Variants in AFAP1L2 observed in about 807,000 individuals in gnomAD.
AFAP1L2 encodes actin filament associated protein 1 like 2.
Under a neutral mutation model 99.3 loss-of-function variants are expected in AFAP1L2, and 46 were observed. That is an observed-to-expected ratio of 0.46 (90% CI 0.37 to 0.59). The LOEUF (loss-of-function observed/expected upper bound fraction) is 0.59. Among genes scored for constraint, AFAP1L2 ranks in the 20% least tolerant of loss-of-function variants. The pLI is 0.00. For synonymous variants in AFAP1L2, 397 were observed against 419.1 expected (o/e 0.95, Z 0.64); for missense variants, 959 against 1,034.9 (o/e 0.93, Z 1.01).
chr10:114,288,693 T>TA, the AFAP1L2 span, among the ~76,000 whole-genome samples: 1 of 152,196 alleles, frequency 6.6e-6, no homozygotes, highest in Non-Finnish European at 1.5e-5. Flanking sequence ...AGATAGAACT[T>TA]AGACACGTGG....
At chr10:114,388,729 G>A (rs1404309435) in intron 1 of AFAP1L2, among the ~76,000 whole-genome samples, 4 of 152,176 alleles carry the variant, frequency 2.6e-5, no homozygotes, top group East Asian at 3.9e-4. Flanking sequence ...ACATCAGCAC[G>A]TTCATTACAA....
intron 1 of AFAP1L2, among the ~76,000 whole-genome samples, chr10:114,374,739 G>A (rs2054574424): frequency 6.6e-6 from 1 of 151,760 alleles, no homozygotes; most frequent in South Asian, 2.1e-4. Flanking sequence ...AGAGCTGGAA[G>A]GGGCCCAGCG....
the AFAP1L2 span, chr10:114,286,215 C>T: frequency 1.4e-5 from 22 of 1,613,880 alleles, no homozygotes; most frequent in East Asian, 4.9e-4. Context: ...ACGGGCAGTG[C>T]CTTGCGGCAG....
At chr10:114,405,006 G>A (rs2058584098), upstream of AFAP1L2, among the ~76,000 whole-genome samples, 1 of 152,202 alleles carries the variant, frequency 6.6e-6, no homozygotes, top group South Asian at 2.1e-4. Flanking sequence ...CTGGAGGGGC[G>A]AGGAGGGCAG....
chr10:114,328,292 A>C (rs1194175326), intron 4 of AFAP1L2, among the ~76,000 whole-genome samples: 2 of 152,100 alleles, frequency 1.3e-5, no homozygotes, highest in African/African-American at 4.8e-5. Flanking sequence ...CGAGCCTGTG[A>C]CCGAGGCATG....
At chr10:114,318,071 C>G (rs2044430646) in intron 5 of AFAP1L2, among the ~76,000 whole-genome samples, 1 of 152,166 alleles carries the variant, frequency 6.6e-6, no homozygotes, top group South Asian at 2.1e-4. Context: ...ACAGTTAGAA[C>G]TATACATGCA....
rs975927662 is a variant in AFAP1L2, at chr10:114,295,356, T to C, written c.*686A>G. 48 of 985,532 alleles carry C rather than the reference T, an allele frequency of 4.9e-5. No homozygotes were observed. Among genetic ancestry groups the C allele is most frequent in the Middle Eastern group, 5.2e-4 (1 of 1,936 alleles). The allele number at this position is 985,532 out of a possible 1,614,324, so 61.0% of individuals were successfully genotyped here. A position where few individuals can be genotyped will look rare whatever the true frequency, so the allele number is the denominator to read the frequency against. ...TAATACAGCATCACTTAAAATTTTATTTAAAGACAGTTGATTCAGGCCTGC... is the reference window on the plus strand; with the variant it reads ...TAATACAGCATCACTTAAAATTTTACTTAAAGACAGTTGATTCAGGCCTGC... On this transcript the variant is annotated 3_prime_UTR_variant, in exon 19 of 19. Transcript: ENST00000304129.
chr10:114,292,794 C>T (rs568331997), downstream of AFAP1L2, among the ~76,000 whole-genome samples: 161 of 152,164 alleles, frequency 1.1e-3, no homozygotes, highest in Non-Finnish European at 1.9e-3. Context: ...CAACCTTTGC[C>T]TCCCAGGTTG....
downstream of AFAP1L2, among the ~76,000 whole-genome samples, chr10:114,292,200 C>T (rs1204522283): frequency 6.6e-6 from 1 of 151,950 alleles, no homozygotes; most frequent in Non-Finnish European, 1.5e-5. Flanking sequence ...TGGCTTGAAC[C>T]TGGGAGGCGG....
chr10:114,281,759 C>T, the AFAP1L2 span: 1 of 985,336 alleles, frequency 1.0e-6, no homozygotes, highest in Non-Finnish European at 1.2e-6. Flanking sequence ...GTGCTCTTCT[C>T]TCCCCATCGA....
chr10:114,399,171 G>T (rs2058017852), intron 1 of AFAP1L2, among the ~76,000 whole-genome samples: 1 of 152,210 alleles, frequency 6.6e-6, no homozygotes, highest in Non-Finnish European at 1.5e-5. Flanking sequence ...GAAAGACAAA[G>T]TCCCTGTCTT....
chr10:114,291,457 C>T (rs1403317692), downstream of AFAP1L2: 1 of 549,152 alleles, frequency 1.8e-6, no homozygotes, highest in African/African-American at 2.0e-5. Context: ...GCTGATGTCA[C>T]CCACAAACGA....
chr10:114,329,680 T>C (rs1389794363), intron 4 of AFAP1L2, among the ~76,000 whole-genome samples: 2 of 152,198 alleles, frequency 1.3e-5, no homozygotes, highest in Non-Finnish European at 2.9e-5. Flanking sequence ...GCAGAGGGGC[T>C]GTGCTCTTCC....
rs373457276 is a variant in AFAP1L2, at chr10:114,301,426, G to A, written c.1470C>T (p.Ile490=). 1.5e-4 allele frequency: 246 copies of A among 1,614,080 alleles called. No individual in the cohort carries two copies. Among genetic ancestry groups the A allele is most frequent in the Non-Finnish European group, 1.9e-4 (222 of 1,180,014 alleles). ...GGCGGTCCTGGCTAGGCAGGCCATCGATGTAAGTGTTGGGCTCTGAGAACT... is the reference window on the plus strand; with the variant it reads ...GGCGGTCCTGGCTAGGCAGGCCATCAATGTAAGTGTTGGGCTCTGAGAACT... The part of the protein sequence containing the change: ...QRKFSEPNTY[I]DGLPSQDRQE... The change falls in exon 13 of 19, where the codon ATC becomes ATT. Residue 490 remains isoleucine, a synonymous_variant. Transcript: ENST00000304129.
intron 1 of AFAP1L2, among the ~76,000 whole-genome samples, chr10:114,379,306 C>G (rs2137323216): frequency 6.6e-6 from 1 of 151,930 alleles, no homozygotes. Flanking sequence ...TAAGAAAGCA[C>G]CTGCCCTGTT....
At chr10:114,330,328 C>T (rs764032210) in intron 4 of AFAP1L2, among the ~76,000 whole-genome samples, 23 of 152,148 alleles carry the variant, frequency 1.5e-4, no homozygotes, top group Non-Finnish European at 2.8e-4. Context: ...TTCCTGCTGG[C>T]GCTGACCCAA....
At chr10:114,316,387 G>T (rs2044149431) in intron 5 of AFAP1L2, among the ~76,000 whole-genome samples, 2 of 152,160 alleles carry the variant, frequency 1.3e-5, no homozygotes, top group Non-Finnish European at 2.9e-5. Context: ...GGGGAAAGGG[G>T]CCACCTTCTT....
intron 10 of AFAP1L2, 33 bp downstream of exon 10, chr10:114,307,772 G>A (rs2042646558): frequency 1.9e-6 from 3 of 1,584,300 alleles, no homozygotes; most frequent in Non-Finnish European, 2.6e-6. Context: ...CAGGAAATGA[G>A]CCTGTGGTCC....
At chr10:114,349,951 T>G (rs1168956782) in intron 1 of AFAP1L2, among the ~76,000 whole-genome samples, 1 of 152,152 alleles carries the variant, frequency 6.6e-6, no homozygotes, top group African/African-American at 2.4e-5. Context: ...CTTAAAACAC[T>G]TTCCCCAGGA....
Sources: gnomAD v4.1 joint callset for allele counts (sites outside exome capture counted in the v4.1 genomes callset) on GRCh38, gnomAD v4.1.1 for gene constraint, MANE v1.5 for transcripts, NCBI Gene and HGNC (gene_info 2026-07-23, HGNC 2026-07-21) for gene names.